GALNT17: variants seen among roughly 807,000 people sequenced by gnomAD.
GALNT17 encodes polypeptide N-acetylgalactosaminyltransferase 17.
Under a neutral mutation model 63.7 loss-of-function variants are expected in GALNT17, and 29 were observed. The observed-to-expected ratio is 0.46, with a 90% CI of 0.34 to 0.62. The LOEUF (loss-of-function observed/expected upper bound fraction) is 0.62. Ranked by LOEUF, GALNT17 falls within the 20% of genes least tolerant of loss-of-function variation. GALNT17 has a pLI of 0.01. For synonymous variants in GALNT17, 305 were observed against 318.3 expected (o/e 0.96, Z 0.45); for missense variants, 603 against 799.6 (o/e 0.75, Z 2.97).
intron 1 of GALNT17, among the ~76,000 whole-genome samples, chr7:71,224,534 T>C (rs564747942): frequency 1.3e-5 from 2 of 152,300 alleles, no homozygotes; most frequent in African/African-American, 4.8e-5. Context: ...TCCTTACCCA[T>C]GTGTGCTTGG....
chr7:71,535,084 G>A (rs1230641871), intron 5 of GALNT17, among the ~76,000 whole-genome samples: 1 of 152,134 alleles, frequency 6.6e-6, no homozygotes, highest in Non-Finnish European at 1.5e-5. Context: ...TTTTGTGCCT[G>A]AGCCTTTGGA....
intron 1 of GALNT17, chr7:71,307,870 T>C (rs1791335480): frequency 6.6e-6 from 1 of 152,288 alleles, no homozygotes; most frequent in Admixed American, 6.6e-5. Flanking sequence ...TTTCTCTGGC[T>C]CTGGGAGATT....
intron 1 of GALNT17, among the ~76,000 whole-genome samples, chr7:71,244,948 TC>T (rs1490042421): frequency 2.0e-5 from 3 of 149,074 alleles, no homozygotes; most frequent in Non-Finnish European, 4.4e-5. Flanking sequence ...AGACCCTATC[TC>T]CAGAAAAAAA....
intron 1 of GALNT17, among the ~76,000 whole-genome samples, chr7:71,155,330 G>A (rs1788214653): frequency 1.3e-5 from 2 of 151,696 alleles, no homozygotes; most frequent in South Asian, 2.1e-4. Context: ...CTGGAGTGCA[G>A]TGGCATGATC....
chr7:71,361,327 T>G (rs1467330304), intron 2 of GALNT17, among the ~76,000 whole-genome samples: 1 of 152,232 alleles, frequency 6.6e-6, no homozygotes, highest in Non-Finnish European at 1.5e-5. Context: ...ACCTGTGATA[T>G]GGGTGCCTAC....
intron 9 of GALNT17, among the ~76,000 whole-genome samples, chr7:71,705,399 G>A (rs546367882): frequency 1.3e-4 from 20 of 152,082 alleles, no homozygotes; most frequent in Non-Finnish European, 2.4e-4. Context: ...TTGAAACCCC[G>A]GTTCATTGCT....
At chr7:71,603,413 C>T (rs67565098) in intron 6 of GALNT17, among the ~76,000 whole-genome samples, 37,976 of 151,858 alleles carry the variant, frequency 0.25, 4,954 homozygotes, top group Non-Finnish European at 0.28. Context: ...ACTCTGGATA[C>T]TATGCTAAGT....
chr7:71,163,942 T>C (rs1585850411), intron 1 of GALNT17, among the ~76,000 whole-genome samples: 1 of 152,288 alleles, frequency 6.6e-6, no homozygotes, highest in South Asian at 2.1e-4. Flanking sequence ...TTTACAAGAA[T>C]CAGAAAGTAC....
intron 1 of GALNT17, chr7:71,300,577 TAC>T (rs914397855): frequency 3.3e-5 from 12 of 359,150 alleles, no homozygotes; most frequent in Non-Finnish European, 5.6e-5. Flanking sequence ...ATTTGTTTTC[TAC>T]ACACACACAT....
At chr7:71,489,707 C>T (rs1787975327) in intron 5 of GALNT17, among the ~76,000 whole-genome samples, 1 of 152,326 alleles carries the variant, frequency 6.6e-6, no homozygotes, top group Admixed American at 6.5e-5. Flanking sequence ...TGGCGGCGGG[C>T]TGGGCAGGAA....
intron 5 of GALNT17, among the ~76,000 whole-genome samples, chr7:71,491,206 A>G (rs1431762283): frequency 6.6e-6 from 1 of 152,116 alleles, no homozygotes; most frequent in African/African-American, 2.4e-5. Flanking sequence ...GAAAAAAACA[A>G]AAAAAAGAAA....
At chr7:71,635,653 A>G (rs1048160196) in intron 6 of GALNT17, among the ~76,000 whole-genome samples, 2 of 152,232 alleles carry the variant, frequency 1.3e-5, no homozygotes, top group African/African-American at 4.8e-5. Flanking sequence ...GGGCGAGTCC[A>G]TAGAGTAAAG....
At chr7:71,506,424 G>A (rs563127239) in intron 5 of GALNT17, among the ~76,000 whole-genome samples, 8 of 151,970 alleles carry the variant, frequency 5.3e-5, no homozygotes, top group South Asian at 2.1e-4. Flanking sequence ...CTGCCCCCAC[G>A]CCAGTCTAAT....
chr7:71,377,275 C>T (rs1248043256), intron 2 of GALNT17, among the ~76,000 whole-genome samples: 2 of 151,020 alleles, frequency 1.3e-5, no homozygotes, highest in African/African-American at 4.9e-5. Context: ...TACCTCATCC[C>T]TGGAAAAGCA....
At chr7:71,295,072 C>G (rs917236976) in intron 1 of GALNT17, among the ~76,000 whole-genome samples, 1 of 152,074 alleles carries the variant, frequency 6.6e-6, no homozygotes, top group East Asian at 1.9e-4. Flanking sequence ...TGTTCTTAAC[C>G]TCCCATCCCC....
chr7:71,488,775 T>G (rs1458843524), intron 5 of GALNT17, among the ~76,000 whole-genome samples: 2 of 149,098 alleles, frequency 1.3e-5, no homozygotes, highest in Non-Finnish European at 3.0e-5. Flanking sequence ...AGAGACGGGG[T>G]TTCACTATGT....
rs1353744109 is a variant in GALNT17, at chr7:71,161,401, C to G, written c.238+28361C>G. Among the ~76,000 whole-genome samples, 2 of 152,090 alleles carry G rather than the reference C, an allele frequency of 1.3e-5. 1 individual carries two copies. Among genetic ancestry groups the G allele is most frequent in the Middle Eastern group, 6.3e-3 (2 of 316 alleles). The stretch of plus-strand genomic sequence containing the variant: ...TGTTTATCTGTTAAAAACCATTTAT[C>G]AGTTGATTAATTCAATTGTTGATTT... On this transcript the variant is annotated intron_variant, in intron 1 of 10. Transcript: ENST00000333538.
chr7:71,283,444 A>G (rs1790813580), intron 1 of GALNT17, among the ~76,000 whole-genome samples: 1 of 152,116 alleles, frequency 6.6e-6, no homozygotes, highest in African/African-American at 2.4e-5. Context: ...TCATACCTAC[A>G]TAGAAATAAA....
At position 71,645,585 on chromosome 7, in the gene GALNT17, G is replaced by C. The variant is rs141069545; in HGVS notation, c.1081-19826G>C. On this transcript the variant is annotated intron_variant, in intron 6 of 10. Coordinates refer to ENST00000333538, the MANE Select transcript of GALNT17 (RefSeq NM_022479.3). Reference sequence around the variant, plus strand: ...CCCAGTCTTGGGTAGTATCTTTATAGCAGTGTGAAAATGAACTATTACAGA... The same window carrying C: ...CCCAGTCTTGGGTAGTATCTTTATACCAGTGTGAAAATGAACTATTACAGA... Among the ~76,000 whole-genome samples the C allele has an allele frequency of 1.5e-3, 222 of 152,256 alleles. 1 individual carries two copies. The highest frequency in any genetic ancestry group is 5.0e-3 in the African/African-American group (206 of 41,552).
Sources: allele counts gnomAD v4.1 joint callset (sites outside exome capture counted in the v4.1 genomes callset), GRCh38; gene constraint gnomAD v4.1.1; transcripts MANE v1.5; gene names NCBI Gene and HGNC (gene_info 2026-07-23, HGNC 2026-07-21).